The following SDS variants were observed in gnomAD, a reference collection of about 807,000 sequenced individuals.
SDS encodes the protein serine dehydratase, also known as L-serine dehydratase/L-threonine deaminase.
A neutral mutation model predicts 29.3 loss-of-function variants in SDS; 19 were observed. The observed-to-expected ratio is 0.65, with a 90% confidence interval of 0.45 to 0.95. SDS has a LOEUF of 0.95. Among genes scored for constraint, SDS ranks in the 40% least tolerant of loss-of-function variants. The pLI is 0.00. For synonymous variants in SDS, 176 were observed against 189.0 expected (o/e 0.93, Z 0.56); for missense variants, 375 against 439.9 (o/e 0.85, Z 1.32).
chr12:113,396,436 TTTC>T (rs1427950124), intron 6 of SDS, among the ~76,000 whole-genome samples: 2 of 150,464 alleles, frequency 1.3e-5, no homozygotes, highest in African/African-American at 2.5e-5. Flanking sequence ...TTTCTTTCTC[TTTC>T]TTTTTCTTTC....
chr12:113,396,469 T>C (rs1380779060), intron 6 of SDS, among the ~76,000 whole-genome samples: 1 of 110,266 alleles, frequency 9.1e-6, no homozygotes, highest in Non-Finnish European at 1.8e-5. Context: ...CTTTCTCCTT[T>C]TTTCTTTCTT....
intron 5 of SDS, among the ~76,000 whole-genome samples, chr12:113,397,968 G>C (rs71467906): frequency 0.015 from 2,249 of 152,218 alleles, 26 homozygotes; most frequent in Middle Eastern, 0.048. Context: ...TGCATGTTCA[G>C]CCTTGGGTGT....
At chr12:113,395,688 T>C (rs936464445) in intron 6 of SDS, among the ~76,000 whole-genome samples, 1 of 152,174 alleles carries the variant, frequency 6.6e-6, no homozygotes, top group Non-Finnish European at 1.5e-5. Flanking sequence ...AAACACTACA[T>C]GCTAAGGATA....
intron 6 of SDS, among the ~76,000 whole-genome samples, chr12:113,394,836 C>T (rs764000471): frequency 5.9e-5 from 9 of 152,182 alleles, no homozygotes; most frequent in Non-Finnish European, 1.2e-4. Context: ...TGCCTGCCCA[C>T]ATCCTGCTGT....
intron 2 of SDS, 86 bp downstream of exon 2, chr12:113,399,470 T>G: frequency 7.1e-7 from 1 of 1,404,092 alleles, no homozygotes; most frequent in Non-Finnish European, 9.4e-7. Flanking sequence ...CTACAACGCC[T>G]TTAATTTCAC....
In SDS at chr12:113,393,167, T is replaced by G. The variant is rs752272142; in HGVS notation, c.779-18A>C. Reference sequence around the variant, plus strand: ...CTCATCATCTGCCAGAGAAGGGGCGTGACAGGGGCGTGGCCTGAGTTTCCC... The same window carrying G: ...CTCATCATCTGCCAGAGAAGGGGCGGGACAGGGGCGTGGCCTGAGTTTCCC... On this transcript the variant is annotated intron_variant, in intron 7 of 7. Coordinates refer to ENST00000257549, the MANE Select transcript of SDS (RefSeq NM_006843.3). The G allele has an allele frequency of 6.2e-7, 1 of 1,612,088 alleles. No individual in the cohort carries two copies. Among genetic ancestry groups the G allele is most frequent in the South Asian group, 1.1e-5 (1 of 91,008 alleles).
rs1957620761 is a variant in SDS at position 113,393,042 on chromosome 12, G to A, written c.886C>T (p.Pro296Ser). The A allele has an allele frequency of 1.2e-6, 2 of 1,614,242 alleles. No homozygotes were observed. The highest frequency in any genetic ancestry group is 1.7e-5 in the Admixed American group (1 of 60,024). The stretch of plus-strand genomic sequence containing the variant: ...CCGCAGACGATGACCACGAGGGATG[G>A]CAGCGGGGTTCGGAGATTCCCCTCC... ...QLEGNLRTPL[P>S]SLVVIVCGGS... The change falls in exon 8 of 8, where the codon CCA (proline) becomes TCA (serine). Residue 296 changes from proline to serine, a missense_variant. Coordinates refer to ENST00000257549, the MANE Select transcript of SDS (RefSeq NM_006843.3).
At chr12:113,398,969 T>C in intron 3 of SDS, 123 bp from the exon 4 acceptor site, 1 of 1,529,166 alleles carries the variant, frequency 6.5e-7, no homozygotes, top group South Asian at 1.2e-5. Context: ...GGGCGACTGC[T>C]GGCCTCCCCC....
chr12:113,399,380 C>T (rs1349982682), intron 2 of SDS, 176 bp downstream of exon 2: 44 of 902,650 alleles, frequency 4.9e-5, no homozygotes, highest in Non-Finnish European at 6.9e-5. Context: ...CCCAAGGAAC[C>T]CTCCTGGAAG....
chr12:113,401,912 C>T (rs540621029), intron 1 of SDS, among the ~76,000 whole-genome samples: 7 of 152,326 alleles, frequency 4.6e-5, no homozygotes, highest in African/African-American at 1.4e-4. Flanking sequence ...CTCCCTCCAC[C>T]ATCCCAGAAG....
At chr12:113,403,447 C>T (rs1348668070) in intron 1 of SDS, among the ~76,000 whole-genome samples, 1 of 152,040 alleles carries the variant, frequency 6.6e-6, no homozygotes, top group Non-Finnish European at 1.5e-5. Context: ...TCGCTTGAAC[C>T]CAGGAGGTGG....
At chr12:113,400,519 A>G (rs1957678635) in intron 1 of SDS, among the ~76,000 whole-genome samples, 1 of 151,628 alleles carries the variant, frequency 6.6e-6, no homozygotes, top group South Asian at 2.1e-4. Flanking sequence ...AAATTCAGGG[A>G]CACCCACACA....
intron 5 of SDS, 77 bp downstream of exon 5, chr12:113,398,438 T>A: frequency 1.1e-6 from 1 of 886,506 alleles, no homozygotes; most frequent in East Asian, 2.4e-5. Flanking sequence ...CGTGATGATG[T>A]GCATCATAGC....
intron 2 of SDS, 24 bp from the exon 3 acceptor site, chr12:113,399,175 C>T (rs1957668327): frequency 6.2e-7 from 1 of 1,613,068 alleles, no homozygotes; most frequent in Non-Finnish European, 8.5e-7. Context: ...AGGAGAGGCA[C>T]TCAGGCCCAC....
intron 5 of SDS, 59 bp from the exon 6 acceptor site, chr12:113,397,451 C>G (rs1031969448): frequency 1.4e-6 from 2 of 1,406,688 alleles, no homozygotes; most frequent in African/African-American, 2.8e-5. Context: ...GACACCAGCT[C>G]AGGTTTGCAC....
chr12:113,399,172 G>A, intron 2 of SDS, 21 bp from the exon 3 acceptor site: 1 of 1,613,290 alleles, frequency 6.2e-7, no homozygotes, highest in East Asian at 2.2e-5. Flanking sequence ...AACAGGAGAG[G>A]CACTCAGGCC....
intron 1 of SDS, 84 bp from the exon 2 acceptor site, chr12:113,399,794 C>G: frequency 4.5e-6 from 6 of 1,337,004 alleles, no homozygotes; most frequent in Non-Finnish European, 5.9e-6. Flanking sequence ...CCTTCGCTTC[C>G]CAGCAAGCCA....
intron 2 of SDS, 181 bp from the exon 3 acceptor site, chr12:113,399,332 G>T (rs1399928139): frequency 2.3e-6 from 2 of 859,868 alleles, no homozygotes; most frequent in Non-Finnish European, 3.7e-6. Flanking sequence ...TCAGGAAAGG[G>T]TGGAGGAAAA....
chr12:113,393,590 C>T (rs1957625098), intron 7 of SDS, among the ~76,000 whole-genome samples: 1 of 152,186 alleles, frequency 6.6e-6, no homozygotes, highest in South Asian at 2.1e-4. Context: ...CCCATGTTTT[C>T]CTTTTTTTAC....
Sources: allele counts gnomAD v4.1 joint callset (sites outside exome capture counted in the v4.1 genomes callset), GRCh38; gene constraint gnomAD v4.1.1; transcripts MANE v1.5; gene names NCBI Gene and HGNC (gene_info 2026-07-23, HGNC 2026-07-21).